CHUK: variants seen among roughly 807,000 people sequenced by gnomAD.
CHUK encodes the protein component of inhibitor of nuclear factor kappa B kinase complex, also known as inhibitor of nuclear factor kappa-B kinase subunit alpha.
In CHUK, 35 loss-of-function variants were observed where a neutral mutation model predicts 104.8. The ratio of observed to expected loss-of-function variants is 0.33; its 90% CI spans 0.26 to 0.44. The LOEUF (loss-of-function observed/expected upper bound fraction) is 0.44, where lower values mean the gene tolerates loss of function less well. Among genes scored for constraint, CHUK ranks in the 20% least tolerant of loss-of-function variants. CHUK has a pLI of 1.00. For synonymous variants in CHUK, 276 were observed against 291.9 expected (o/e 0.95, Z 0.56); for missense variants, 663 against 902.7 (o/e 0.73, Z 3.40).
At chr10:100,202,001 A>T (rs1845473582) in intron 14 of CHUK, 87 bp downstream of exon 14, 1 of 987,888 alleles carries the variant, frequency 1.0e-6, no homozygotes, top group African/African-American at 1.6e-5. Context: ...GACATGAAAA[A>T]TGCTCTTTAT....
In CHUK at chr10:100,223,057, T is replaced by C. The variant is rs1846026314; in HGVS notation, c.201-77A>G. ...GGACTGGATTTGAAATGCTACTTAA[T>C]TGTGGGTGGATGAACAGAGGGGGAA... On this transcript the variant is annotated intron_variant, in intron 2 of 20. Transcript: ENST00000370397. The C allele has an allele frequency of 5.4e-6, 4 of 741,924 alleles. No individual in the cohort carries two copies. In the East Asian group the frequency reaches 1.1e-4, roughly 20 times the overall value. The allele number at this position is 741,924 out of a possible 1,614,324, so 46.0% of individuals were successfully genotyped here.
intron 5 of CHUK, 29 bp from the exon 6 acceptor site, chr10:100,219,388 T>A: frequency 8.4e-7 from 1 of 1,192,290 alleles, no homozygotes; most frequent in Non-Finnish European, 1.3e-6. Context: ...GATTAAGTAT[T>A]AAATGGTAGA....
chr10:100,212,779 T>C (rs1459706332), intron 9 of CHUK, among the ~76,000 whole-genome samples: 1 of 151,760 alleles, frequency 6.6e-6, no homozygotes, highest in Non-Finnish European at 1.5e-5. Flanking sequence ...ACAAGACAAG[T>C]AGATCACTTA....
In CHUK at chr10:100,194,456, G is replaced by A. The variant is rs751173559; in HGVS notation, c.1795C>T (p.Arg599Cys). 4 of 1,613,274 alleles carry A rather than the reference G, an allele frequency of 2.5e-6. No individual in the cohort carries two copies. The highest frequency in any genetic ancestry group is 3.4e-6 in the Non-Finnish European group (4 of 1,179,372). ...IIVHTVQSQD[R>C]VLKELFGHLS... ...TGACCAAACAGCTCCTTGAGCACAC[G>A]GTCCTGACTCTGCACAGTGTGCACA... The change falls in exon 17 of 21, where the codon CGT becomes TGT. Residue 599 changes from arginine to cysteine, a missense_variant. This residue lies in a region of CHUK where 311 missense variants were observed against 393.4 expected (regional missense o/e 0.79). Coordinates refer to ENST00000370397, the MANE Select transcript of CHUK (RefSeq NM_001278.5).
In CHUK at chr10:100,228,154, T is replaced by G. The variant is rs569388203; in HGVS notation, c.105+1274A>C. Reference sequence around the variant, plus strand: ...CTATTTTATTTAACTCTCAAATCCATGATGCATGTAATTATTATACTATAC... The same window carrying G: ...CTATTTTATTTAACTCTCAAATCCAGGATGCATGTAATTATTATACTATAC... On this transcript the variant is annotated intron_variant, in intron 1 of 20. Transcript: ENST00000370397. Among the ~76,000 whole-genome samples, 53 of 152,320 alleles carry G rather than the reference T, an allele frequency of 3.5e-4. 1 individual carries two copies. The highest frequency in any genetic ancestry group is 9.6e-4 in the East Asian group (5 of 5,190).
chr10:100,213,269 A>T (rs1845771504), intron 9 of CHUK, among the ~76,000 whole-genome samples: 1 of 151,870 alleles, frequency 6.6e-6, no homozygotes, highest in African/African-American at 2.4e-5. Context: ...TCACTTGAGG[A>T]CAGGAGTTTG....
rs750639136 is a variant in CHUK, at chr10:100,228,995, A to G, written c.105+433T>C. On this transcript the variant is annotated intron_variant, in intron 1 of 20. Coordinates refer to ENST00000370397, the MANE Select transcript of CHUK (RefSeq NM_001278.5). ...CCTCCAAGCGCGCGCGCGCGCGCGC[A>G]CACACACACACACACACACACACAC... 5.6e-3 allele frequency among the ~76,000 whole-genome samples: 462 copies of G among 82,502 alleles called. 2 individuals are homozygous for G. Among genetic ancestry groups the G allele is most frequent in the African/African-American group, 0.013 (296 of 22,764 alleles). The allele number at this position is 82,502 out of a possible 152,430, so 54.1% of individuals were successfully genotyped here. A position where few individuals can be genotyped will look rare whatever the true frequency, so the allele number is the denominator to read the frequency against.
Position 100,229,576 on chromosome 10 carries a change from G to A in CHUK, c.-44C>T. Reference sequence around the variant, plus strand: ...GCCTCAGGTTCCACAGTTGTTCCAAGGCCGGTTCCGGGCCGCCGATGCTCG... The same window carrying A: ...GCCTCAGGTTCCACAGTTGTTCCAAAGCCGGTTCCGGGCCGCCGATGCTCG... On this transcript the variant is annotated 5_prime_UTR_variant, in exon 1 of 21. Coordinates refer to ENST00000370397, the MANE Select transcript of CHUK (RefSeq NM_001278.5). 2 of 1,266,064 alleles carry A rather than the reference G, an allele frequency of 1.6e-6. No individual in the cohort carries two copies. Among genetic ancestry groups the A allele is most frequent in the East Asian group, 2.5e-5 (1 of 39,412 alleles). 78.4% of individuals were successfully genotyped at this position (1,266,064 alleles called of 1,614,324 possible).
In CHUK at chr10:100,216,782, T is replaced by C. The variant is rs536932051; in HGVS notation, c.933+1213A>G. On this transcript the variant is annotated intron_variant, in intron 9 of 20. Coordinates refer to ENST00000370397, the MANE Select transcript of CHUK (RefSeq NM_001278.5). ...AGTTGTTTCTGGGTACACTGCATAA[T>C]AGAACTATCTATAGCTCTCATTCAT... Among the ~76,000 whole-genome samples, 18 of 152,316 alleles carry C rather than the reference T, an allele frequency of 1.2e-4. No individual in the cohort carries two copies. The South Asian group carries it at 2.9e-3, about 25-fold the overall frequency.
rs1014680842 is a variant in CHUK, at chr10:100,188,461, T to C, written c.*1137A>G. 6.6e-6 allele frequency: 1 copy of C among 152,642 alleles called. No individual in the cohort carries two copies. Among genetic ancestry groups the C allele is most frequent in the Non-Finnish European group, 1.5e-5 (1 of 68,028 alleles). 9.5% of individuals were successfully genotyped at this position (152,642 alleles called of 1,614,324 possible). A position where few individuals can be genotyped will look rare whatever the true frequency, so the allele number is the denominator to read the frequency against. ...GACAAATAATATCTTCTAAATTACT[T>C]AGCAGATGATAGAGGTCCACAGTCC... On this transcript the variant is annotated 3_prime_UTR_variant, in exon 21 of 21. Transcript: ENST00000370397.
intron 13 of CHUK, 65 bp downstream of exon 13, chr10:100,204,441 G>C (rs1845542224): frequency 7.2e-7 from 1 of 1,387,598 alleles, no homozygotes; most frequent in African/African-American, 1.4e-5. Flanking sequence ...GAGTTAAGAA[G>C]GCAAAATAAC....
At chr10:100,203,722 T>C (rs2134220239) in intron 13 of CHUK, among the ~76,000 whole-genome samples, 1 of 152,216 alleles carries the variant, frequency 6.6e-6, no homozygotes, top group East Asian at 1.9e-4. Context: ...GAGTCAAATA[T>C]GGAAAATTTG....
intron 13 of CHUK, among the ~76,000 whole-genome samples, chr10:100,203,148 C>T (rs1845509486): frequency 6.6e-6 from 1 of 152,154 alleles, no homozygotes; most frequent in African/African-American, 2.4e-5. Context: ...TACCCCTCTA[C>T]CATCCACCTC....
Position 100,229,481 on chromosome 10 carries a change from G to A in CHUK, c.52C>T (p.Arg18Trp), listed in dbSNP as rs748865477. The A allele has an allele frequency of 6.3e-6, 10 of 1,596,022 alleles. No individual in the cohort carries two copies. Among genetic ancestry groups the A allele is most frequent in the Non-Finnish European group, 8.5e-6 (10 of 1,175,218 alleles). Residue 18 changes from arginine to tryptophan, a missense_variant, in exon 1 of 21, where the codon CGG becomes TGG. This residue lies in a region of CHUK where 44 missense variants were observed against 39.2 expected (regional missense o/e 1.12). Coordinates refer to ENST00000370397, the MANE Select transcript of CHUK (RefSeq NM_001278.5). ...RPGAGGPWEM[R>W]ERLGTGGFGN... ...AAGCCGCCGGTGCCCAGCCGCTCCC[G>A]CATCTCCCAGGGCCCGCCCGCGCCC...
chr10:100,198,061 T>C (rs545117981), intron 16 of CHUK, among the ~76,000 whole-genome samples: 2 of 152,346 alleles, frequency 1.3e-5, no homozygotes, highest in South Asian at 2.1e-4. Flanking sequence ...AATTTTATCA[T>C]TGACAACAAA....
Position 100,193,284 on chromosome 10 carries a change from CA to C in CHUK, c.2108+13del. On this transcript the variant is annotated intron_variant, in intron 19 of 20. Transcript: ENST00000370397. ...ATGAAAACACAGCTATCTATTGTTA[CA>C]AAGTAAACCCACCCATCTTGAGGAG... 1 of 1,613,906 alleles carries C rather than the reference CA, an allele frequency of 6.2e-7. No homozygotes were observed. The highest frequency in any genetic ancestry group is 1.1e-5 in the South Asian group (1 of 91,076).
At chr10:100,228,417 C>G (rs1846152785) in intron 1 of CHUK, among the ~76,000 whole-genome samples, 1 of 152,112 alleles carries the variant, frequency 6.6e-6, no homozygotes, top group Non-Finnish European at 1.5e-5. Context: ...ACTTTGGGAG[C>G]CTGAGACAGG....
In CHUK at chr10:100,222,183, TA is replaced by T. The variant is rs1411860186; in HGVS notation, c.316-3del. The T allele has an allele frequency of 8.2e-6, 13 of 1,584,824 alleles. No homozygotes were observed. The highest frequency in any genetic ancestry group is 9.5e-6 in the Non-Finnish European group (11 of 1,156,650). On this transcript the variant is annotated splice_polypyrimidine_tract_variant and splice_region_variant and intron_variant, in intron 3 of 20. Coordinates refer to ENST00000370397, the MANE Select transcript of CHUK (RefSeq NM_001278.5). ...ACAATTTTCTGGTTTGTTGAGCAGC[TA>T]AAAAAAGAAAGAAATCTAAAAATCT...
In CHUK at chr10:100,196,638, C is replaced by T. The variant is rs147636304; in HGVS notation, c.1730-2117G>A. Reference sequence around the variant, plus strand: ...CTGGTCTCAAACTGTTGGCCTCAAACGATCCTCCTGTCTCAGCCTCCCAAA... The same window carrying T: ...CTGGTCTCAAACTGTTGGCCTCAAATGATCCTCCTGTCTCAGCCTCCCAAA... On this transcript the variant is annotated intron_variant, in intron 16 of 20. Coordinates refer to ENST00000370397, the MANE Select transcript of CHUK (RefSeq NM_001278.5). 5.9e-3 allele frequency among the ~76,000 whole-genome samples: 898 copies of T among 152,160 alleles called. 21 individuals carry two copies. Among genetic ancestry groups the T allele is most frequent in the Admixed American group, 0.052 (792 of 15,280 alleles).
Sources: allele counts gnomAD v4.1 joint callset (sites outside exome capture counted in the v4.1 genomes callset), GRCh38; gene constraint gnomAD v4.1.1; regional missense constraint gnomAD v4.1.1; transcripts MANE v1.5; gene names NCBI Gene and HGNC (gene_info 2026-07-23, HGNC 2026-07-21).